TMEM247: variants seen among roughly 807,000 people sequenced by gnomAD.
The protein encoded by TMEM247 is transmembrane protein 247.
In TMEM247, 23 loss-of-function variants were observed where a neutral mutation model predicts 20.7. That is an observed-to-expected ratio of 1.11 (90% CI 0.80 to 1.57). The LOEUF (loss-of-function observed/expected upper bound fraction) is 1.57, where lower values mean the gene tolerates loss of function less well. TMEM247 is among the 40% of genes most tolerant of loss of function. The probability of loss-of-function intolerance (pLI) is 0.00; values close to 1 mark genes in which losing one functional copy is unlikely to be tolerated. For missense variants in TMEM247, 354 were observed against 283.8 expected (o/e 1.25, Z -1.78); for synonymous variants, 106 against 111.9 (o/e 0.95, Z 0.33).
intron 1 of TMEM247, 74 bp downstream of exon 1, chr2:46,479,776 C>A: frequency 1.8e-6 from 2 of 1,101,406 alleles, no homozygotes; most frequent in Non-Finnish European, 2.7e-6. Context: ...GGAACACATG[C>A]TTTGAGCTTC....
chr2:46,483,662 G>A (rs1686933160), intron 2 of TMEM247, among the ~76,000 whole-genome samples: 1 of 152,212 alleles, frequency 6.6e-6, no homozygotes, highest in African/African-American at 2.4e-5. Flanking sequence ...GGAAGGTGGT[G>A]GCCTGGCGCC....
intron 2 of TMEM247, among the ~76,000 whole-genome samples, chr2:46,482,045 T>C (rs1015484862): frequency 3.9e-5 from 6 of 152,276 alleles, no homozygotes; most frequent in Admixed American, 3.3e-4. Context: ...ATTTCCCCAA[T>C]TGACTGGTCC....
chr2:46,483,686 A>G (rs901964647), intron 2 of TMEM247, among the ~76,000 whole-genome samples: 1 of 152,154 alleles, frequency 6.6e-6, no homozygotes, highest in Non-Finnish European at 1.5e-5. Context: ...GTCAGGAGGG[A>G]TAAGAGCAGC....
At chr2:46,482,893 G>T (rs1351831370) in intron 2 of TMEM247, among the ~76,000 whole-genome samples, 2 of 152,174 alleles carry the variant, frequency 1.3e-5, no homozygotes, top group Non-Finnish European at 2.9e-5. Flanking sequence ...TTTCAACAGT[G>T]ATGTGTCCCC....
chr2:46,480,732 G>C (rs1034474473), exon 2 of TMEM247: 1 of 1,551,234 alleles, frequency 6.4e-7, no homozygotes, highest in African/African-American at 1.4e-5. Flanking sequence ...GGTGGTGATG[G>C]AGCAGCTGCA....
chr2:46,484,244 T>C, exon 3 of TMEM247: 1 of 1,548,758 alleles, frequency 6.5e-7, no homozygotes, highest in Non-Finnish European at 8.7e-7. Flanking sequence ...TCCCCCACAG[T>C]TTTCAGGAGG....
chr2:46,479,786 C>A, intron 1 of TMEM247, 84 bp downstream of exon 1: 1 of 1,007,384 alleles, frequency 9.9e-7, no homozygotes, highest in African/African-American at 1.6e-5. Context: ...CTTTGAGCTT[C>A]CAGACAACTG....
exon 2 of TMEM247, chr2:46,480,539 C>G: frequency 6.4e-7 from 1 of 1,551,726 alleles, no homozygotes; most frequent in Non-Finnish European, 8.7e-7. Flanking sequence ...GCCAGGCTGG[C>G]GACGGACCCA....
chr2:46,484,311 T>C, exon 3 of TMEM247: 1 of 1,552,350 alleles, frequency 6.4e-7, no homozygotes, highest in Non-Finnish European at 8.7e-7. Flanking sequence ...TACTGCTTCA[T>C]CTTCATTCAC....
intron 2 of TMEM247, among the ~76,000 whole-genome samples, 193 bp downstream of exon 2, chr2:46,480,957 G>A (rs1296809307): frequency 6.6e-6 from 1 of 152,146 alleles, no homozygotes; most frequent in African/African-American, 2.4e-5. Flanking sequence ...TTCCAGAGAT[G>A]TCTGCTCACT....
chr2:46,484,190 C>T lies in TMEM247; in HGVS notation c.478-54C>T, dbSNP rs1192684757. 5.7e-5 allele frequency: 84 copies of T among 1,483,802 alleles called. No homozygotes were observed. In the South Asian group the frequency reaches 6.2e-4, roughly 11 times the overall value. The allele number at this position is 1,483,802 out of a possible 1,614,324, so 91.9% of individuals were successfully genotyped here. Reference sequence around the variant, plus strand: ...GGTCAGAGCAGGACTGAACCTAGATCTGCCTGGCGCCAACAATGGCATCAT... The same window carrying T: ...GGTCAGAGCAGGACTGAACCTAGATTTGCCTGGCGCCAACAATGGCATCAT... On this transcript the variant is annotated intron_variant, in intron 2 of 2. Transcript: ENST00000434431.
intron 1 of TMEM247, 118 bp downstream of exon 1, chr2:46,479,820 CCCCAG>C (rs1267586853): frequency 1.4e-6 from 1 of 718,952 alleles, no homozygotes; most frequent in Non-Finnish European, 2.4e-6. Context: ...GTGACATGTA[CCCCAG>C]CCCTGTAACT....
At chr2:46,484,209 G>C in intron 2 of TMEM247, 35 bp from the exon 3 acceptor site, 1 of 1,526,282 alleles carries the variant, frequency 6.6e-7, no homozygotes. Context: ...GCCAACAATG[G>C]CATCATCATC....
exon 2 of TMEM247, chr2:46,480,408 G>T: frequency 6.5e-7 from 1 of 1,541,178 alleles, no homozygotes; most frequent in Non-Finnish European, 8.8e-7. Context: ...ACGCCAGGAG[G>T]CAGAGTCCCA....
chr2:46,480,746 AG>A lies in TMEM247; in HGVS notation c.460del (p.Glu154ArgfsTer60). On this transcript the variant is annotated frameshift_variant, in exon 2 of 3. Coordinates refer to ENST00000434431, the Ensembl canonical transcript of TMEM247. LOFTEE classifies it high-confidence loss of function. ...AGGTGGTGATGGAGCAGCTGCAGCA[AG>A]AGGCGGCGCCCCGCCTGGTGGGTGA... The A allele has an allele frequency of 9.5e-7, 1 of 1,057,624 alleles. No homozygotes were observed. 65.5% of individuals were successfully genotyped at this position (1,057,624 alleles called of 1,614,324 possible).
chr2:46,482,077 A>G (rs1272396564), intron 2 of TMEM247, among the ~76,000 whole-genome samples: 1 of 152,258 alleles, frequency 6.6e-6, no homozygotes, highest in Non-Finnish European at 1.5e-5. Context: ...TGTTTTTTTA[A>G]GAAAGTAAGG....
chr2:46,484,217 A>G (rs1686944344), intron 2 of TMEM247, 27 bp from the exon 3 acceptor site: 5 of 1,534,682 alleles, frequency 3.3e-6, no homozygotes, highest in South Asian at 1.2e-5. Flanking sequence ...TGGCATCATC[A>G]TCTCCACTGT....
At chr2:46,482,112 A>G (rs1007791098) in intron 2 of TMEM247, among the ~76,000 whole-genome samples, 2 of 152,180 alleles carry the variant, frequency 1.3e-5, no homozygotes, top group Non-Finnish European at 2.9e-5. Context: ...TTTGTTCTCA[A>G]TGAGCACGTG....
At chr2:46,480,842 C>A in intron 2 of TMEM247, 78 bp downstream of exon 2, 1 of 1,450,644 alleles carries the variant, frequency 6.9e-7, no homozygotes, top group Non-Finnish European at 9.1e-7. Context: ...CAGGCGCCCA[C>A]CTTCCCTGCT....
Sources: gnomAD v4.1 joint callset for allele counts (sites outside exome capture counted in the v4.1 genomes callset) on GRCh38, gnomAD v4.1.1 for gene constraint, MANE v1.5 for transcripts, NCBI Gene and HGNC (gene_info 2026-07-23, HGNC 2026-07-21) for gene names.